LGR5: variants seen among roughly 807,000 people sequenced by gnomAD.
The protein encoded by LGR5 is leucine rich repeat containing G protein-coupled receptor 5.
A neutral mutation model predicts 76.7 loss-of-function variants in LGR5; 54 were observed. The ratio of observed to expected loss-of-function variants is 0.70; its 90% CI spans 0.57 to 0.88. LGR5 has a LOEUF of 0.88. Among genes scored for constraint, LGR5 ranks in the 40% least tolerant of loss-of-function variants. LGR5 has a pLI of 0.00. For missense variants in LGR5, 1,078 were observed against 1,073.3 expected (o/e 1.00, Z -0.06); for synonymous variants, 406 against 421.9 (o/e 0.96, Z 0.46).
At chr12:71,467,717 C>G (rs910390533) in intron 1 of LGR5, among the ~76,000 whole-genome samples, 2 of 152,198 alleles carry the variant, frequency 1.3e-5, no homozygotes, top group African/African-American at 2.4e-5. Flanking sequence ...TTGCATGCAA[C>G]AGTAATTTTA....
At chr12:71,477,237 C>A (rs2137253303) in intron 1 of LGR5, among the ~76,000 whole-genome samples, 1 of 152,168 alleles carries the variant, frequency 6.6e-6, no homozygotes, top group Middle Eastern at 3.4e-3. Flanking sequence ...TTTCTCACCA[C>A]AAACAATAAC....
intron 1 of LGR5, among the ~76,000 whole-genome samples, chr12:71,484,138 T>C (rs1278789564): frequency 2.0e-5 from 3 of 152,234 alleles, no homozygotes. Flanking sequence ...TCATAATTTC[T>C]TGTGCTTATT....
At chr12:71,445,169 T>C (rs1036722911) in intron 1 of LGR5, among the ~76,000 whole-genome samples, 7 of 152,236 alleles carry the variant, frequency 4.6e-5, no homozygotes, top group African/African-American at 1.4e-4. Flanking sequence ...ACTTCCTCAA[T>C]AGATACTTCT....
chr12:71,496,391 A>AAAAG (rs1555169618), intron 1 of LGR5, among the ~76,000 whole-genome samples: 1 of 115,058 alleles, frequency 8.7e-6, no homozygotes, highest in African/African-American at 3.3e-5. Context: ...AAAAAAAAAA[A>AAAAG]AGAGAGAGAG....
intron 1 of LGR5, among the ~76,000 whole-genome samples, chr12:71,470,400 C>T (rs1459134722): frequency 6.6e-6 from 1 of 152,112 alleles, no homozygotes; most frequent in East Asian, 1.9e-4. Context: ...TTAACAGTTT[C>T]CTTCCATGTA....
In LGR5 at chr12:71,583,896, C is replaced by T; in HGVS notation, c.1886C>T (p.Ala629Val). 1 of 1,614,098 alleles carries T rather than the reference C, an allele frequency of 6.2e-7. No individual in the cohort carries two copies. Among genetic ancestry groups the T allele is most frequent in the Non-Finnish European group, 8.5e-7 (1 of 1,180,020 alleles). The change falls in exon 18 of 18, where the codon GCC becomes GTC. Residue 629 changes from alanine to valine, a missense_variant. Physicochemically the swap from Ala to Val is moderately conservative, Grantham distance 64. Coordinates refer to ENST00000266674, the MANE Select transcript of LGR5 (RefSeq NM_003667.4). ...TTTGGCAGCTTTGCACGACATGGTG[C>T]CTGGTGGGAGAATGGGGTTGGTTGC... ...FTFGSFARHG[A>V]WWENGVGCHV...
chr12:71,530,126 T>C lies in LGR5; in HGVS notation c.357-4989T>C, dbSNP rs576724142. On this transcript the variant is annotated intron_variant, in intron 3 of 17. Transcript: ENST00000266674. ...ACATTTAGGGCACAACAATAAAGTA[T>C]ATTGATTTTTTCTTTGAAATAATGT... Among the ~76,000 whole-genome samples the C allele has an allele frequency of 3.9e-5, 6 of 152,218 alleles. No individual in the cohort carries two copies. In the South Asian group the frequency reaches 1.2e-3, roughly 32 times the overall value.
chr12:71,534,987 T>C, intron 3 of LGR5, 128 bp from the exon 4 acceptor site: 1 of 573,656 alleles, frequency 1.7e-6, no homozygotes, highest in Non-Finnish European at 3.1e-6. Context: ...GAATTTCAGC[T>C]CCCCAAAAGA....
At chr12:71,517,226 G>A (rs1207546834) in intron 2 of LGR5, among the ~76,000 whole-genome samples, 2 of 152,168 alleles carry the variant, frequency 1.3e-5, no homozygotes, top group Non-Finnish European at 2.9e-5. Flanking sequence ...AAATAAAAGG[G>A]GAATGATTTC....
intron 3 of LGR5, among the ~76,000 whole-genome samples, chr12:71,534,804 G>A (rs947680667): frequency 1.3e-5 from 2 of 152,164 alleles, no homozygotes; most frequent in Non-Finnish European, 1.5e-5. Context: ...CTGGTCTCCA[G>A]TTAAATATCA....
At chr12:71,544,839 G>T (rs950031944) in intron 4 of LGR5, among the ~76,000 whole-genome samples, 4 of 152,134 alleles carry the variant, frequency 2.6e-5, no homozygotes, top group African/African-American at 7.2e-5. Flanking sequence ...AATCAAGAAT[G>T]CTTTTATTTC....
At chr12:71,495,081 G>A (rs1323767026) in intron 1 of LGR5, among the ~76,000 whole-genome samples, 1 of 150,780 alleles carries the variant, frequency 6.6e-6, no homozygotes. Context: ...GCGTAGTCGG[G>A]GGGGGTCTCC....
At chr12:71,582,140 C>G (rs1019868173) in intron 16 of LGR5, among the ~76,000 whole-genome samples, 1 of 152,110 alleles carries the variant, frequency 6.6e-6, no homozygotes, top group African/African-American at 2.4e-5. Context: ...ACGAAGAGGC[C>G]CATAGCCTCC....
rs577352991 is a variant in LGR5, at chr12:71,488,246, C to G, written c.213-16368C>G. On this transcript the variant is annotated intron_variant, in intron 1 of 17. Coordinates refer to ENST00000266674, the MANE Select transcript of LGR5 (RefSeq NM_003667.4). ...ATGTAAAACAAAAACAAGTCTTTAGCCAATGGAAAATAGTGACATGAAGTC... is the reference window on the plus strand; with the variant it reads ...ATGTAAAACAAAAACAAGTCTTTAGGCAATGGAAAATAGTGACATGAAGTC... Among the ~76,000 whole-genome samples the G allele has an allele frequency of 5.3e-5, 8 of 152,260 alleles. No homozygotes were observed. The South Asian group carries it at 1.7e-3, about 32-fold the overall frequency.
intron 1 of LGR5, among the ~76,000 whole-genome samples, chr12:71,471,673 A>G (rs1390362463): frequency 3.3e-5 from 5 of 151,834 alleles, no homozygotes; most frequent in Non-Finnish European, 7.4e-5. Flanking sequence ...GGGCTCTAAG[A>G]AAATTTGTTT....
chr12:71,454,842 G>GAA (rs35231654), intron 1 of LGR5, among the ~76,000 whole-genome samples: 9 of 140,712 alleles, frequency 6.4e-5, no homozygotes, highest in Middle Eastern at 3.6e-3. Context: ...AAAAGAACAA[G>GAA]AAAAAAAAAA....
intron 16 of LGR5, among the ~76,000 whole-genome samples, chr12:71,581,502 G>A (rs1879090563): frequency 6.6e-6 from 1 of 152,238 alleles, no homozygotes; most frequent in Admixed American, 6.5e-5. Flanking sequence ...TCCAAAGCAA[G>A]TATGATTCAG....
rs76604870 is a variant in LGR5 at position 71,570,161 on chromosome 12, G to A, written c.1071-1353G>A. Reference sequence around the variant, plus strand: ...CACACTTAACTGGGCCTTGCCGGGGGAGGGTGGGAAGGGGAAAGCATTAAG... The same window carrying A: ...CACACTTAACTGGGCCTTGCCGGGGAAGGGTGGGAAGGGGAAAGCATTAAG... On this transcript the variant is annotated intron_variant, in intron 11 of 17. Coordinates refer to ENST00000266674, the MANE Select transcript of LGR5 (RefSeq NM_003667.4). 7.7e-3 allele frequency among the ~76,000 whole-genome samples: 1,171 copies of A among 152,142 alleles called. 8 individuals are homozygous for A. The highest frequency in any genetic ancestry group is 0.021 in the African/African-American group (887 of 41,502).
intron 2 of LGR5, among the ~76,000 whole-genome samples, chr12:71,511,255 T>A (rs1439246307): frequency 6.6e-6 from 1 of 152,196 alleles, no homozygotes; most frequent in Non-Finnish European, 1.5e-5. Context: ...GCTAGACCAA[T>A]GGTTCTCAAT....
Sources: allele counts gnomAD v4.1 joint callset (sites outside exome capture counted in the v4.1 genomes callset), GRCh38; gene constraint gnomAD v4.1.1; transcripts MANE v1.5; gene names NCBI Gene and HGNC (gene_info 2026-07-23, HGNC 2026-07-21).